The following ZCWPW2 variants were observed in gnomAD, a reference collection of about 807,000 sequenced individuals.
ZCWPW2 encodes the protein zinc finger CW-type and PWWP domain containing 2, also known as zinc finger CW-type PWWP domain protein 2.
A neutral mutation model predicts 46.6 loss-of-function variants in ZCWPW2; 45 were observed. The observed-to-expected ratio is 0.96, with a 90% CI of 0.76 to 1.24. The LOEUF (loss-of-function observed/expected upper bound fraction) is 1.24. ZCWPW2 is among the 50% of genes most tolerant of loss of function. ZCWPW2 has a pLI of 0.00. For missense variants in ZCWPW2, 429 were observed against 403.9 expected (o/e 1.06, Z -0.53); for synonymous variants, 152 against 137.1 (o/e 1.11, Z -0.76).
chr3:28,487,329 G>T lies in ZCWPW2; in HGVS notation c.611-4798G>T, dbSNP rs1241152719. On this transcript the variant is annotated intron_variant, in intron 5 of 9. Transcript: ENST00000383768. Reference sequence around the variant, plus strand: ...TTCTCTTTTTCAGTTTTTTAGTTTTGGTGGTTTTTATTGATATATCCTGAA... The same window carrying T: ...TTCTCTTTTTCAGTTTTTTAGTTTTTGTGGTTTTTATTGATATATCCTGAA... Among the ~76,000 whole-genome samples, 4 of 151,390 alleles carry T rather than the reference G, an allele frequency of 2.6e-5. No homozygotes were observed. The East Asian group carries it at 7.7e-4, about 29-fold the overall frequency.
At chr3:28,490,471 A>G (rs1699770493) in intron 5 of ZCWPW2, among the ~76,000 whole-genome samples, 1 of 152,166 alleles carries the variant, frequency 6.6e-6, no homozygotes, top group Non-Finnish European at 1.5e-5. Context: ...CATATTCACT[A>G]TGGAATACTA....
intron 1 of ZCWPW2, among the ~76,000 whole-genome samples, chr3:28,374,490 A>G (rs1443225767): frequency 6.6e-6 from 1 of 152,068 alleles, no homozygotes; most frequent in African/African-American, 2.4e-5. Flanking sequence ...TGTTAGGTTT[A>G]CTTTTTCTAT....
At chr3:28,353,087 G>C (rs1704616273) in intron 1 of ZCWPW2, among the ~76,000 whole-genome samples, 1 of 151,972 alleles carries the variant, frequency 6.6e-6, no homozygotes, top group Non-Finnish European at 1.5e-5. Context: ...GGGAGGCTCA[G>C]GCACGAGAAT....
chr3:28,361,010 A>G (rs62251134), intron 1 of ZCWPW2, among the ~76,000 whole-genome samples: 33,676 of 152,170 alleles, frequency 0.22, 4,264 homozygotes, highest in Middle Eastern at 0.29. Context: ...TATTAGGTAC[A>G]TATGAAACAT....
rs538027832 is a variant in ZCWPW2, at chr3:28,397,523, A to C, written c.-14+6906A>C. 3.9e-5 allele frequency among the ~76,000 whole-genome samples: 6 copies of C among 152,182 alleles called. No individual in the cohort carries two copies. The South Asian group carries it at 8.3e-4, about 21-fold the overall frequency. ...TGTCTCTACTAAAAATCCAAAACTT[A>C]ACTGGGCTTGGTGGCAAGCACCTGT... On this transcript the variant is annotated intron_variant, in intron 2 of 9. Coordinates refer to ENST00000383768, the MANE Select transcript of ZCWPW2 (RefSeq NM_001040432.4).
intron 1 of ZCWPW2, among the ~76,000 whole-genome samples, chr3:28,361,731 T>G (rs1704953392): frequency 6.6e-6 from 1 of 152,198 alleles, no homozygotes; most frequent in Non-Finnish European, 1.5e-5. Flanking sequence ...ATTAGACATT[T>G]TTCTAAAGAA....
At chr3:28,413,005 C>G (rs973952570) in intron 2 of ZCWPW2, 51 bp from the exon 3 acceptor site, 2 of 1,457,912 alleles carry the variant, frequency 1.4e-6, no homozygotes, top group African/African-American at 1.4e-5. Flanking sequence ...ATTTTCTCTC[C>G]TTATACTCTT....
At chr3:28,470,390 G>A (rs1323595760) in intron 4 of ZCWPW2, among the ~76,000 whole-genome samples, 1 of 151,654 alleles carries the variant, frequency 6.6e-6, no homozygotes, top group Non-Finnish European at 1.5e-5. Context: ...CCAGCTATTC[G>A]GGAGGCTAAG....
chr3:28,402,166 T>G (rs1362577163), intron 2 of ZCWPW2, among the ~76,000 whole-genome samples: 1 of 151,944 alleles, frequency 6.6e-6, no homozygotes, highest in Non-Finnish European at 1.5e-5. Flanking sequence ...AATAAAACTT[T>G]TAGACTATTA....
intron 1 of ZCWPW2, among the ~76,000 whole-genome samples, chr3:28,370,769 G>A (rs866401631): frequency 6.6e-6 from 1 of 152,138 alleles, no homozygotes; most frequent in Non-Finnish European, 1.5e-5. Context: ...TTTTGCTCTT[G>A]TTGCCCAGGC....
In ZCWPW2 at chr3:28,382,924, T is replaced by C. The variant is rs182219151; in HGVS notation, c.-133-7574T>C. 2.6e-3 allele frequency among the ~76,000 whole-genome samples: 403 copies of C among 152,300 alleles called. 2 individuals carry two copies. The highest frequency in any genetic ancestry group is 9.2e-3 in the African/African-American group (382 of 41,586). The stretch of plus-strand genomic sequence containing the variant: ...GGGCTATACTTGTTTTGCCTCATAA[T>C]AATAAATTTATAATAATGAAATCAC... On this transcript the variant is annotated intron_variant, in intron 1 of 9. Transcript: ENST00000383768.
intron 1 of ZCWPW2, among the ~76,000 whole-genome samples, chr3:28,364,317 ATTCT>A (rs1341013552): frequency 7.0e-6 from 1 of 143,024 alleles, no homozygotes; most frequent in African/African-American, 2.5e-5. Flanking sequence ...ATATAAAAAC[ATTCT>A]TTTTTTTTTT....
At chr3:28,423,004 T>C (rs1487898900) in intron 3 of ZCWPW2, among the ~76,000 whole-genome samples, 9 of 152,204 alleles carry the variant, frequency 5.9e-5, no homozygotes, top group Non-Finnish European at 1.0e-4. Flanking sequence ...ATATCTTCTT[T>C]GGTAGGGTGT....
rs751262882 is a variant in ZCWPW2 at position 28,413,204 on chromosome 3, A to C, written c.136A>C (p.Ser46Arg). 1 of 1,613,454 alleles carries C rather than the reference A, an allele frequency of 6.2e-7. No individual in the cohort carries two copies. The highest frequency in any genetic ancestry group is 8.5e-7 in the Non-Finnish European group (1 of 1,179,578). Residue 46 changes from serine (S) to arginine (R), a missense_variant, in exon 3 of 10, where the codon AGT becomes CGT. Physicochemically the swap from Ser to Arg is moderately radical, Grantham distance 110. Coordinates refer to ENST00000383768, the MANE Select transcript of ZCWPW2 (RefSeq NM_001040432.4). ...TTGTTTGAAATGGAGATTGTTATCA[A>C]GTGAGGATTCAGCCAAGGTTGATCA... ...ENCLKWRLLS[S>R]EDSAKVDHDE...
chr3:28,511,616 C>A (rs1193358145), intron 6 of ZCWPW2, among the ~76,000 whole-genome samples: 1 of 152,090 alleles, frequency 6.6e-6, no homozygotes, highest in Non-Finnish European at 1.5e-5. Context: ...AACCTAATCA[C>A]CATCACTCTT....
At chr3:28,430,791 C>A (rs576445169) in intron 3 of ZCWPW2, among the ~76,000 whole-genome samples, 1 of 152,058 alleles carries the variant, frequency 6.6e-6, no homozygotes, top group Non-Finnish European at 1.5e-5. Flanking sequence ...AGCTTTCCCC[C>A]CTTCACTCAG....
At chr3:28,450,997 G>T (rs1300598115) in intron 4 of ZCWPW2, among the ~76,000 whole-genome samples, 1 of 152,168 alleles carries the variant, frequency 6.6e-6, no homozygotes, top group Non-Finnish European at 1.5e-5. Context: ...GTGAGTGAAA[G>T]TGATGAATAT....
chr3:28,489,668 GCACACA>G (rs1209352772), intron 5 of ZCWPW2, among the ~76,000 whole-genome samples: 796 of 39,576 alleles, frequency 0.02, 9 homozygotes, highest in Non-Finnish European at 0.022. Flanking sequence ...ACACACGCGC[GCACACA>G]CACACACACA....
At chr3:28,368,270 G>T (rs1399265961) in intron 1 of ZCWPW2, among the ~76,000 whole-genome samples, 1 of 152,060 alleles carries the variant, frequency 6.6e-6, no homozygotes, top group African/African-American at 2.4e-5. Flanking sequence ...GCATGTTTTT[G>T]CAGTGGCTGG....
Sources: gnomAD v4.1 joint callset for allele counts (sites outside exome capture counted in the v4.1 genomes callset) on GRCh38, gnomAD v4.1.1 for gene constraint, MANE v1.5 for transcripts, NCBI Gene and HGNC (gene_info 2026-07-23, HGNC 2026-07-21) for gene names.